The following RGS3 variants were observed in gnomAD, a reference collection of about 807,000 sequenced individuals.
RGS3 encodes the protein regulator of G protein signaling 3.
In RGS3, 80 loss-of-function variants were observed where a neutral mutation model predicts 132.6. That is an observed-to-expected ratio of 0.60 (90% confidence interval 0.50 to 0.73). RGS3 has a LOEUF of 0.73. Ranked by LOEUF, RGS3 falls within the 30% of genes least tolerant of loss-of-function variation. The pLI, the probability that RGS3 is intolerant of heterozygous loss-of-function variation, is 0.00. For missense variants in RGS3, 1,382 were observed against 1,530.8 expected (o/e 0.90, Z 1.62); for synonymous variants, 598 against 620.6 (o/e 0.96, Z 0.54).
In RGS3 at chr9:113,447,329, GTATATATATATATATATATATATATA is replaced by G. The variant is rs60991619; in HGVS notation, c.-13+2409_-13+2434del. Among the ~76,000 whole-genome samples, 2 of 27,536 alleles carry G rather than the reference GTATATATATATATATATATATATATA, an allele frequency of 7.3e-5. 1 individual carries two copies. Among genetic ancestry groups the G allele is most frequent in the South Asian group, 5.9e-3 (2 of 338 alleles). 18.1% of individuals were successfully genotyped at this position (27,536 alleles called of 152,430 possible). ...CCAATAAATTCTGATGTATGTATAT[GTATATATATATATATATATATATATA>G]TATATAGGCAAGGGTTGAAGATAAA... On this transcript the variant is annotated intron_variant, in intron 1 of 25. Coordinates refer to the RGS3 transcript ENST00000374140.
chr9:113,507,333 C>G lies in RGS3; in HGVS notation c.1132C>G (p.Gln378Glu), dbSNP rs1831175017. 25 of 1,613,958 alleles carry G rather than the reference C, an allele frequency of 1.5e-5. No individual in the cohort carries two copies. Among genetic ancestry groups the G allele is most frequent in the Non-Finnish European group, 1.9e-5 (23 of 1,180,004 alleles). Residue 378 changes from glutamine to glutamate, a missense_variant, in exon 13 of 25, where the codon CAG becomes GAG. Transcript: ENST00000350696. This position sits in a 1 kb window ranked among gnomAD's most constrained non-coding sequence, Gnocchi z 5.0. ...CCTACTCGTGTGGCGCATGGTCCCCCAGGTCAAGCCAGGACCAGATGGCGG... is the reference window on the plus strand; with the variant it reads ...CCTACTCGTGTGGCGCATGGTCCCCGAGGTCAAGCCAGGACCAGATGGCGG...
chr9:113,557,059 GT>G (rs1833597328), intron 19 of RGS3, among the ~76,000 whole-genome samples: 1 of 152,250 alleles, frequency 6.6e-6, no homozygotes, highest in Admixed American at 6.5e-5. Context: ...GAGCAAAGAA[GT>G]TTACAGTGCC....
At chr9:113,514,695 C>A in intron 15 of RGS3, 41 bp downstream of exon 13, 4 of 1,595,530 alleles carry the variant, frequency 2.5e-6, no homozygotes, top group Non-Finnish European at 3.4e-6. Context: ...TCAGGAGGAA[C>A]GGAGAAAGAG....
rs60991619 is a variant in RGS3 at position 113,447,329 on chromosome 9, GTATATATATATATATATATATATA to G, written c.-13+2411_-13+2434del. ...CCAATAAATTCTGATGTATGTATAT[GTATATATATATATATATATATATA>G]TATATATAGGCAAGGGTTGAAGATA... On this transcript the variant is annotated intron_variant, in intron 1 of 25. Transcript: ENST00000374140. 1.2e-3 allele frequency among the ~76,000 whole-genome samples: 33 copies of G among 27,536 alleles called. 3 individuals are homozygous for G. Among genetic ancestry groups the G allele is most frequent in the Non-Finnish European group, 2.2e-3 (29 of 13,364 alleles). The allele number at this position is 27,536 out of a possible 152,430, so 18.1% of individuals were successfully genotyped here. A position where few individuals can be genotyped will look rare whatever the true frequency, so the allele number is the denominator to read the frequency against.
chr9:113,515,523 C>T (rs1200796305), intron 15 of RGS3, among the ~76,000 whole-genome samples: 5 of 151,550 alleles, frequency 3.3e-5, no homozygotes, highest in South Asian at 2.1e-4. Flanking sequence ...CCCAGCTATT[C>T]GGGAGGCTGA....
chr9:113,591,650 C>T lies in RGS3; in HGVS notation c.3080+253C>T. Reference sequence around the variant, plus strand: ...CCCGGAAGCCACAGTGAACCAGAAGCAACCAGCCCGTTTGCCCTGGCTTTA... The same window carrying T: ...CCCGGAAGCCACAGTGAACCAGAAGTAACCAGCCCGTTTGCCCTGGCTTTA... On this transcript the variant is annotated intron_variant, in intron 21 of 24. Transcript: ENST00000350696. This position sits in a 1 kb window ranked among gnomAD's most constrained non-coding sequence, Gnocchi z 4.4. The T allele has an allele frequency of 2.1e-6, 1 of 484,602 alleles. No individual in the cohort carries two copies. The highest frequency in any genetic ancestry group is 3.8e-6 in the Non-Finnish European group (1 of 263,670). 30.0% of individuals were successfully genotyped at this position (484,602 alleles called of 1,614,324 possible). A position where few individuals can be genotyped will look rare whatever the true frequency, so the allele number is the denominator to read the frequency against.
chr9:113,550,935 ATATC>A (rs1462814678), intron 19 of RGS3, among the ~76,000 whole-genome samples: 2 of 152,130 alleles, frequency 1.3e-5, no homozygotes, highest in African/African-American at 2.4e-5. Context: ...CTTATTAGTC[ATATC>A]TATCATTTGT....
upstream of RGS3, among the ~76,000 whole-genome samples, chr9:113,456,606 T>C (rs1041471531): frequency 3.9e-5 from 6 of 151,908 alleles, no homozygotes; most frequent in Non-Finnish European, 7.4e-5. Flanking sequence ...AATTTTTGCT[T>C]CCGACCCTCA....
In RGS3 at chr9:113,495,774, T is replaced by C. The variant is rs1830661779; in HGVS notation, c.690-12T>C. The C allele has an allele frequency of 6.2e-7, 1 of 1,613,842 alleles. No individual in the cohort carries two copies. The highest frequency in any genetic ancestry group is 1.3e-5 in the African/African-American group (1 of 75,040). ...AAAAAAATGCTGACTCAAGTCTCAC[T>C]TGTTCTCCCAGACAGAGTGGACTCA... On this transcript the variant is annotated splice_polypyrimidine_tract_variant and intron_variant, in intron 7 of 24. Coordinates refer to ENST00000350696, the Ensembl canonical transcript of RGS3.
At position 113,565,234 on chromosome 9, in the gene RGS3, C is replaced by T. The variant is rs1180232398; in HGVS notation, c.2038-18216C>T. The T allele has an allele frequency of 2.3e-6, 3 of 1,283,306 alleles. No individual in the cohort carries two copies. Among genetic ancestry groups the T allele is most frequent in the Admixed American group, 2.3e-5 (1 of 43,002 alleles). 79.5% of individuals were successfully genotyped at this position (1,283,306 alleles called of 1,614,324 possible). A position where few individuals can be genotyped will look rare whatever the true frequency, so the allele number is the denominator to read the frequency against. ...GGCAGAAGGACGGGCTGGCCCAGGA[C>T]CCTCTTCTTTGAGACATCCCGGACT... On this transcript the variant is annotated intron_variant, in intron 19 of 24. Coordinates refer to ENST00000350696, the Ensembl canonical transcript of RGS3. This position sits in a 1 kb window ranked among gnomAD's most constrained non-coding sequence, Gnocchi z 5.7.
chr9:113,452,675 A>G (rs1829270421), intron 1 of RGS3, among the ~76,000 whole-genome samples: 1 of 151,306 alleles, frequency 6.6e-6, no homozygotes, highest in African/African-American at 2.4e-5. Context: ...ATATGTGTCT[A>G]TTAGGCTGCT....
At chr9:113,585,834 C>T (rs1381864447) in intron 20 of RGS3, among the ~76,000 whole-genome samples, 3 of 152,198 alleles carry the variant, frequency 2.0e-5, no homozygotes, top group East Asian at 1.9e-4. Context: ...GCAGACTTAC[C>T]TTCTGGGGAG....
intron 7 of RGS3, among the ~76,000 whole-genome samples, chr9:113,494,200 T>C (rs1390407395): frequency 6.6e-6 from 1 of 152,130 alleles, no homozygotes; most frequent in Non-Finnish European, 1.5e-5. Context: ...CTTAAAAGTA[T>C]ATTGATACTG....
At chr9:113,508,573 C>T (rs760123623) in exon 14 of RGS3, 4 of 1,612,356 alleles carry the variant, frequency 2.5e-6, no homozygotes, top group South Asian at 1.1e-5. Flanking sequence ...AGGATACCAT[C>T]CCCGAAGGTG....
chr9:113,591,491 T>C lies in RGS3; in HGVS notation c.3080+94T>C, dbSNP rs755940095. The C allele has an allele frequency of 8.8e-7, 1 of 1,131,770 alleles. No homozygotes were observed. The highest frequency in any genetic ancestry group is 1.3e-6 in the Non-Finnish European group (1 of 747,486). The allele number at this position is 1,131,770 out of a possible 1,614,324, so 70.1% of individuals were successfully genotyped here. On this transcript the variant is annotated intron_variant, in intron 21 of 24. Transcript: ENST00000350696. The surrounding 1 kb of genome is among the most constrained non-coding windows in gnomAD (Gnocchi z 4.4). Reference sequence around the variant, plus strand: ...AGGGGTCCAGGTGGGGAGAAGAGGTTGTGCCTGGTCCCGCCCACAACCCCA... The same window carrying C: ...AGGGGTCCAGGTGGGGAGAAGAGGTCGTGCCTGGTCCCGCCCACAACCCCA...
At chr9:113,461,594 T>C (rs1829471315) in intron 1 of RGS3, 2 of 1,070,784 alleles carry the variant, frequency 1.9e-6, no homozygotes, top group Admixed American at 4.5e-5. Context: ...CAACTGAATA[T>C]GTTAGCTGCA....
Position 113,550,396 on chromosome 9 carries a change from A to G in RGS3, c.2037+13478A>G, listed in dbSNP as rs868490507. 2.0e-5 allele frequency among the ~76,000 whole-genome samples: 3 copies of G among 152,338 alleles called. No individual in the cohort carries two copies. The Middle Eastern group carries it at 0.01, about 518-fold the overall frequency. ...AACTAAATAAACAAATATTTGTTGA[A>G]TGAATGAATGTTTTGTTAGAATAAA... On this transcript the variant is annotated intron_variant, in intron 19 of 24. Coordinates refer to ENST00000350696, the Ensembl canonical transcript of RGS3.
intron 16 of RGS3, among the ~76,000 whole-genome samples, chr9:113,520,542 GTTTTTTTTT>G (rs768805637): frequency 7.8e-6 from 1 of 127,428 alleles, no homozygotes; most frequent in East Asian, 2.3e-4. Context: ...GGCCTGGGCT[GTTTTTTTTT>G]TTTTTTTTTT....
At chr9:113,502,382 T>A (rs1210835096) in intron 10 of RGS3, among the ~76,000 whole-genome samples, 1 of 152,282 alleles carries the variant, frequency 6.6e-6, no homozygotes, top group Admixed American at 6.5e-5. Flanking sequence ...TTTGTTTTAA[T>A]GACCAGATTG....
Sources: allele counts gnomAD v4.1 joint callset (sites outside exome capture counted in the v4.1 genomes callset), GRCh38; gene constraint gnomAD v4.1.1; non-coding constraint Gnocchi (gnomAD v3.1); transcripts MANE v1.5; gene names NCBI Gene and HGNC (gene_info 2026-07-23, HGNC 2026-07-21).